Variants in CAV3 observed in about 807,000 individuals in gnomAD.
CAV3 encodes the protein caveolin 3, also known as caveolin-3.
CAV3 carries 10 observed loss-of-function variants against 13.4 expected under a neutral mutation model. The ratio of observed to expected loss-of-function variants is 0.75; its 90% confidence interval spans 0.46 to 1.27. CAV3 has a LOEUF of 1.27. Among genes scored for constraint, CAV3 ranks in the 50% most tolerant of loss-of-function variants. The pLI is 0.00. For missense variants in CAV3, 162 were observed against 194.0 expected, an observed-to-expected ratio of 0.83 and a Z score of 0.98; for synonymous variants, 90 against 79.0, an observed-to-expected ratio of 1.14 and a Z score of -0.74.
intron 1 of CAV3, among the ~76,000 whole-genome samples, chr3:8,743,939 T>A (rs1052163011): frequency 6.6e-6 from 1 of 152,174 alleles, no homozygotes; most frequent in Non-Finnish European, 1.5e-5. Flanking sequence ...ATGAAAGTAA[T>A]TTTAATATTG....
At position 8,745,986 on chromosome 3, in the gene CAV3, C is replaced by A; in HGVS notation, c.*119C>A. The A allele has an allele frequency of 1.4e-6, 1 of 736,690 alleles. No homozygotes were observed. The highest frequency in any genetic ancestry group is 2.2e-6 in the Non-Finnish European group (1 of 452,312). 45.6% of individuals were successfully genotyped at this position (736,690 alleles called of 1,614,324 possible). ...TCTCTTTAGGGACTGCTCCATACCC[C>A]ATGATGGAGCACACGGTGTAGGGAA... On this transcript the variant is annotated 3_prime_UTR_variant, in exon 2 of 2. Transcript: ENST00000343849. The surrounding 1 kb of genome is among the most constrained non-coding windows in gnomAD (Gnocchi z 4.8).
At chr3:8,734,310 AC>A (rs1707673507) in intron 1 of CAV3, among the ~76,000 whole-genome samples, 1 of 152,112 alleles carries the variant, frequency 6.6e-6, no homozygotes. Flanking sequence ...CCTGGCTCTC[AC>A]CCTGGGAGGA....
intron 1 of CAV3, chr3:8,742,464 T>C (rs1193043346): frequency 2.2e-6 from 1 of 456,342 alleles, no homozygotes; most frequent in Admixed American, 2.4e-5. Context: ...CTTACTACTG[T>C]AAGGAAAGGA....
At chr3:8,743,074 T>A (rs758142579) in intron 1 of CAV3, among the ~76,000 whole-genome samples, 2 of 150,026 alleles carry the variant, frequency 1.3e-5, no homozygotes, top group Non-Finnish European at 3.0e-5. Flanking sequence ...AACAACCAGG[T>A]CTCATGTGAA....
Position 8,733,917 on chromosome 3 carries a change from T to A in CAV3, c.41T>A (p.Val14Asp). 4.3e-6 allele frequency: 7 copies of A among 1,613,432 alleles called. No homozygotes were observed. The highest frequency in any genetic ancestry group is 5.9e-6 in the Non-Finnish European group (7 of 1,179,550). The part of the protein sequence containing the change: ...EEHTDLEAQI[V>D]KDIHCKEIDL... ...CACACAGATCTCGAGGCCCAGATCG[T>A]CAAGGATATCCACTGCAAGGAGATT... The change falls in exon 1 of 2, where the codon GTC becomes GAC. Residue 14 changes from valine to aspartate, a missense_variant. Val to Asp is a radical substitution (Grantham distance 152). Coordinates refer to ENST00000343849, the MANE Select transcript of CAV3 (RefSeq NM_033337.3).
chr3:8,735,615 C>T (rs1003859608), intron 1 of CAV3, among the ~76,000 whole-genome samples: 2 of 152,188 alleles, frequency 1.3e-5, no homozygotes, highest in African/African-American at 4.8e-5. Flanking sequence ...ATCAGACAGG[C>T]CTGTATTGCG....
In CAV3 at chr3:8,741,498, G is replaced by A. The variant is rs562349291; in HGVS notation, c.115-4028G>A. On this transcript the variant is annotated intron_variant, in intron 1 of 1. Coordinates refer to ENST00000343849, the MANE Select transcript of CAV3 (RefSeq NM_033337.3). ...GTTTTCTGACTCTGAAGCTAACTCC[G>A]TGTCATTACAGATCTTGGCCCAATC... Among the ~76,000 whole-genome samples, 10 of 152,218 alleles carry A rather than the reference G, an allele frequency of 6.6e-5. No individual in the cohort carries two copies. In the South Asian group the frequency reaches 1.5e-3, roughly 22 times the overall value.
At chr3:8,739,026 C>T (rs1254034266) in intron 1 of CAV3, among the ~76,000 whole-genome samples, 1 of 152,224 alleles carries the variant, frequency 6.6e-6, no homozygotes, top group Non-Finnish European at 1.5e-5. Context: ...AGAGGGTCAT[C>T]CAATCCACCT....
chr3:8,737,369 G>C (rs1286248430), intron 1 of CAV3, among the ~76,000 whole-genome samples: 1 of 152,124 alleles, frequency 6.6e-6, no homozygotes, highest in African/African-American at 2.4e-5. Flanking sequence ...CCAAGTCCCT[G>C]GTGCCACCAG....
chr3:8,738,870 T>G (rs1051829086), intron 1 of CAV3, among the ~76,000 whole-genome samples: 3 of 152,148 alleles, frequency 2.0e-5, no homozygotes, highest in Non-Finnish European at 4.4e-5. Flanking sequence ...CCATGCACCA[T>G]CAGCTAGTCA....
At chr3:8,744,310 G>C (rs1011336018) in intron 1 of CAV3, among the ~76,000 whole-genome samples, 1 of 135,620 alleles carries the variant, frequency 7.4e-6, no homozygotes. Context: ...ATGGAGTCTC[G>C]CTCTGTCACC....
chr3:8,743,742 C>T (rs1226598380), intron 1 of CAV3, among the ~76,000 whole-genome samples: 1 of 152,172 alleles, frequency 6.6e-6, no homozygotes, highest in Admixed American at 6.5e-5. Context: ...GCTAAAGTCA[C>T]ATGAGAAAAG....
intron 1 of CAV3, among the ~76,000 whole-genome samples, chr3:8,737,847 T>C (rs2124980597): frequency 6.6e-6 from 1 of 152,086 alleles, no homozygotes; most frequent in Middle Eastern, 3.4e-3. Context: ...CAAGGTTGCC[T>C]CAACCTTCAG....
intron 1 of CAV3, among the ~76,000 whole-genome samples, chr3:8,741,516 G>A (rs547994138): frequency 1.3e-5 from 2 of 152,150 alleles, no homozygotes; most frequent in African/African-American, 4.8e-5. Flanking sequence ...ACAGATCTTG[G>A]CCCAATCGTC....
At chr3:8,736,501 C>T (rs1001797509) in intron 1 of CAV3, among the ~76,000 whole-genome samples, 5 of 152,150 alleles carry the variant, frequency 3.3e-5, no homozygotes, top group Admixed American at 6.5e-5. Context: ...TCTGGTACAC[C>T]CAGGTGGGCT....
intron 1 of CAV3, chr3:8,742,395 A>G: frequency 2.7e-6 from 1 of 369,586 alleles, no homozygotes; most frequent in Non-Finnish European, 5.4e-6. Context: ...AAGAAGAAAG[A>G]TAATTAAAAG....
chr3:8,739,356 T>TA (rs1357912246), intron 1 of CAV3, among the ~76,000 whole-genome samples: 14 of 151,942 alleles, frequency 9.2e-5, no homozygotes, highest in African/African-American at 3.4e-4. Context: ...CTCACACCTG[T>TA]AATCCCAGCA....
intron 1 of CAV3, among the ~76,000 whole-genome samples, 160 bp downstream of exon 1, chr3:8,734,150 A>G (rs1271928239): frequency 2.1e-5 from 3 of 144,088 alleles, no homozygotes; most frequent in African/African-American, 7.6e-5. Flanking sequence ...CCCACCCCCA[A>G]AAAAAGGCTT....
At chr3:8,739,748 A>G (rs1457978928) in intron 1 of CAV3, among the ~76,000 whole-genome samples, 1 of 152,166 alleles carries the variant, frequency 6.6e-6, no homozygotes, top group African/African-American at 2.4e-5. Context: ...AGACTGTATC[A>G]GTTATCAATT....
Sources: gnomAD v4.1 joint callset for allele counts (sites outside exome capture counted in the v4.1 genomes callset) on GRCh38, gnomAD v4.1.1 for gene constraint, Gnocchi (gnomAD v3.1) non-coding constraint, MANE v1.5 for transcripts, NCBI Gene and HGNC (gene_info 2026-07-23, HGNC 2026-07-21) for gene names.